The following ATP2B2 variants were observed in gnomAD, a reference collection of about 807,000 sequenced individuals.
ATP2B2 encodes the protein plasma membrane calcium-transporting ATPase 2.
Under a neutral mutation model 120.0 loss-of-function variants are expected in ATP2B2, and 15 were observed. The observed-to-expected ratio is 0.12, with a 90% confidence interval of 0.08 to 0.19. The LOEUF is 0.19. ATP2B2 is among the 10% of genes least tolerant of loss of function. The probability of loss-of-function intolerance (pLI) is 1.00; values close to 1 mark genes in which losing one functional copy is unlikely to be tolerated. For synonymous variants in ATP2B2, 694 were observed against 700.3 expected, an observed-to-expected ratio of 0.99 and a Z score of 0.14; for missense variants, 1,045 against 1,719.8, an observed-to-expected ratio of 0.61 and a Z score of 6.94.
At chr3:10,423,362 G>A (rs560649218) in intron 2 of ATP2B2, among the ~76,000 whole-genome samples, 139 of 152,264 alleles carry the variant, frequency 9.1e-4, no homozygotes, top group African/African-American at 3.2e-3. Flanking sequence ...ACTTGATCCA[G>A]GTCCAGGGAG....
intron 2 of ATP2B2, among the ~76,000 whole-genome samples, chr3:10,431,206 C>T (rs547473436): frequency 1.1e-4 from 17 of 152,244 alleles, no homozygotes; most frequent in Admixed American, 4.6e-4. Flanking sequence ...TATTCCATAC[C>T]TTAGTTGATT....
chr3:10,621,163 G>A (rs981171723), intron 1 of ATP2B2, among the ~76,000 whole-genome samples: 2 of 152,058 alleles, frequency 1.3e-5, no homozygotes, highest in Non-Finnish European at 2.9e-5. Context: ...GAGCTTGCTG[G>A]GCCCTGATCC....
intron 3 of ATP2B2, among the ~76,000 whole-genome samples, chr3:10,406,743 G>A (rs947347146): frequency 3.3e-5 from 5 of 152,238 alleles, no homozygotes; most frequent in African/African-American, 9.7e-5. Context: ...CAGGCACAGT[G>A]AGAAACTCAT....
intron 1 of ATP2B2, among the ~76,000 whole-genome samples, chr3:10,495,916 T>G (rs1324070438): frequency 6.6e-6 from 1 of 152,366 alleles, no homozygotes; most frequent in African/African-American, 2.4e-5. Context: ...TACCTGGGGC[T>G]GCCTCCGCCT....
At position 10,359,251 on chromosome 3, in the gene ATP2B2, G is replaced by A. The variant is rs2060827414; in HGVS notation, c.1902-326C>T. 2.0e-5 allele frequency among the ~76,000 whole-genome samples: 3 copies of A among 152,182 alleles called. No homozygotes were observed. The South Asian group carries it at 6.2e-4, about 32-fold the overall frequency. ...GCCTGCACATTAGAATTGCTTGGAGGAGCCTTTAATAAATACCCACGTGCG... is the reference window on the plus strand; with the variant it reads ...GCCTGCACATTAGAATTGCTTGGAGAAGCCTTTAATAAATACCCACGTGCG... On this transcript the variant is annotated intron_variant, in intron 13 of 22. Coordinates refer to ENST00000360273, the MANE Select transcript of ATP2B2 (RefSeq NM_001001331.4).
chr3:10,402,500 T>C lies in ATP2B2; in HGVS notation c.398-152A>G, dbSNP rs2062256401. On this transcript the variant is annotated intron_variant, in intron 3 of 22. Coordinates refer to ENST00000360273, the MANE Select transcript of ATP2B2 (RefSeq NM_001001331.4). This position sits in a 1 kb window ranked among gnomAD's most constrained non-coding sequence, Gnocchi z 4.9. ...CTCAGTGTGTCTGGGTACCAAGCCCTGTGGAAAGTGCTTCACGCAGATCAT... is the reference window on the plus strand; with the variant it reads ...CTCAGTGTGTCTGGGTACCAAGCCCCGTGGAAAGTGCTTCACGCAGATCAT... 2 of 1,177,544 alleles carry C rather than the reference T, an allele frequency of 1.7e-6. No homozygotes were observed. The highest frequency in any genetic ancestry group is 1.9e-5 in the Admixed American group (1 of 52,948). 72.9% of individuals were successfully genotyped at this position (1,177,544 alleles called of 1,614,324 possible).
chr3:10,523,754 A>T (rs1389555567), intron 3 of ATP2B2, among the ~76,000 whole-genome samples: 1 of 151,828 alleles, frequency 6.6e-6, no homozygotes, highest in Non-Finnish European at 1.5e-5. Context: ...GTAGCAGGGG[A>T]GAGGAGAACT....
intron 1 of ATP2B2, among the ~76,000 whole-genome samples, chr3:10,689,856 T>C (rs1182973783): frequency 6.6e-6 from 1 of 152,134 alleles, no homozygotes; most frequent in South Asian, 2.1e-4. Context: ...CACCCCGAGG[T>C]GGGCTTGGGC....
intron 1 of ATP2B2, among the ~76,000 whole-genome samples, chr3:10,474,853 C>T (rs1198595668): frequency 6.6e-6 from 1 of 152,278 alleles, no homozygotes; most frequent in African/African-American, 2.4e-5. Flanking sequence ...TCTGGACACA[C>T]TACACTATCA....
At chr3:10,530,482 C>A (rs1440686539) in intron 3 of ATP2B2, among the ~76,000 whole-genome samples, 4 of 152,202 alleles carry the variant, frequency 2.6e-5, no homozygotes, top group African/African-American at 9.6e-5. Flanking sequence ...GCGACAGCTC[C>A]CTGGCTCTGA....
In ATP2B2 at chr3:10,347,051, C is replaced by T. The variant is rs376557562; in HGVS notation, c.2405-914G>A. ...TCTAACACCCATGTCTGAACCAGTTCCGTCCCCCAGCCATCCCCGGAATGT... is the reference window on the plus strand; with the variant it reads ...TCTAACACCCATGTCTGAACCAGTTTCGTCCCCCAGCCATCCCCGGAATGT... On this transcript the variant is annotated intron_variant, in intron 16 of 22. Transcript: ENST00000360273. The surrounding 1 kb of genome is among the most constrained non-coding windows in gnomAD (Gnocchi z 5.2). Among the ~76,000 whole-genome samples the T allele has an allele frequency of 4.3e-4, 66 of 152,298 alleles. No homozygotes were observed. The South Asian group carries it at 0.014, about 32-fold the overall frequency.
chr3:10,534,025 C>T (rs1249459013), intron 3 of ATP2B2: 1 of 152,256 alleles, frequency 6.6e-6, no homozygotes, highest in Non-Finnish European at 1.5e-5. Context: ...GTCAAGCCCC[C>T]GTCTCCAACT....
At chr3:10,693,651 G>A (rs542486808) in intron 1 of ATP2B2, among the ~76,000 whole-genome samples, 4 of 152,344 alleles carry the variant, frequency 2.6e-5, no homozygotes, top group East Asian at 1.9e-4. Context: ...ATAGAGATAT[G>A]AGCCTACTTC....
chr3:10,552,517 A>G (rs910024244), intron 2 of ATP2B2, among the ~76,000 whole-genome samples: 4 of 152,236 alleles, frequency 2.6e-5, no homozygotes, highest in Non-Finnish European at 5.9e-5. Context: ...TCACATACTT[A>G]ACATCAGAAA....
intron 1 of ATP2B2, among the ~76,000 whole-genome samples, chr3:10,620,928 G>T (rs981480704): frequency 2.0e-5 from 3 of 152,130 alleles, no homozygotes; most frequent in Non-Finnish European, 1.5e-5. Context: ...CTGCCTCCCT[G>T]TGTCCTCCTC....
intron 2 of ATP2B2, among the ~76,000 whole-genome samples, chr3:10,547,035 C>G (rs1251561279): frequency 2.6e-5 from 4 of 152,174 alleles, no homozygotes; most frequent in Non-Finnish European, 5.9e-5. Context: ...GCTGCAGAGA[C>G]GAACACTCCA....
intron 1 of ATP2B2, among the ~76,000 whole-genome samples, chr3:10,685,193 G>A (rs1358130174): frequency 6.6e-6 from 1 of 152,242 alleles, no homozygotes; most frequent in Non-Finnish European, 1.5e-5. Flanking sequence ...GAGGCACTCT[G>A]TAAACGGCAA....
intron 2 of ATP2B2, among the ~76,000 whole-genome samples, chr3:10,592,142 C>T (rs1575533209): frequency 1.3e-5 from 2 of 152,130 alleles, no homozygotes; most frequent in East Asian, 3.8e-4. Flanking sequence ...TCCTTCTCTT[C>T]CTGCATCTTC....
intron 5 of ATP2B2, chr3:10,394,581 C>T (rs1467971185): frequency 2.2e-6 from 1 of 456,706 alleles, no homozygotes; most frequent in Non-Finnish European, 4.7e-6. Context: ...GCAGACTGGG[C>T]CTTCTGCAGT....
Sources: allele counts gnomAD v4.1 joint callset (sites outside exome capture counted in the v4.1 genomes callset), GRCh38; gene constraint gnomAD v4.1.1; non-coding constraint Gnocchi (gnomAD v3.1); transcripts MANE v1.5; gene names NCBI Gene and HGNC (gene_info 2026-07-23, HGNC 2026-07-21).